The following ZMYM2 variants were observed in gnomAD, a reference collection of about 807,000 sequenced individuals.
ZMYM2 encodes zinc finger MYM-type protein 2.
A neutral mutation model predicts 162.8 loss-of-function variants in ZMYM2; 56 were observed. That is an observed-to-expected ratio of 0.34 (90% CI 0.28 to 0.43). The LOEUF (loss-of-function observed/expected upper bound fraction) is 0.43, where lower values mean the gene tolerates loss of function less well. ZMYM2 is among the 20% of genes least tolerant of loss of function. The pLI is 1.00. For synonymous variants in ZMYM2, 510 were observed against 541.6 expected (o/e 0.94, Z 0.81); for missense variants, 1,275 against 1,621.8 (o/e 0.79, Z 3.67).
chr13:19,962,496 G>GATATATATATATATAT (rs199575840), intron 2 of ZMYM2, among the ~76,000 whole-genome samples: 23 of 84,820 alleles, frequency 2.7e-4, no homozygotes, highest in African/African-American at 1.3e-3. Context: ...AATTGCATGG[G>GATATATATATATATAT]ATATATATAT....
intron 12 of ZMYM2, among the ~76,000 whole-genome samples, chr13:20,043,441 T>TGTGGCTA (rs1407280577): frequency 2.6e-5 from 4 of 152,156 alleles, no homozygotes; most frequent in Non-Finnish European, 5.9e-5. Flanking sequence ...CAGTGGTGGA[T>TGTGGCTA]GCAATGTGGC....
chr13:20,067,132 C>T, intron 20 of ZMYM2, 107 bp from the exon 21 acceptor site: 1 of 1,368,868 alleles, frequency 7.3e-7, no homozygotes, highest in Non-Finnish European at 9.7e-7. Flanking sequence ...TGTAAGAATG[C>T]ATTTTATTTT....
chr13:20,026,645 C>A lies in ZMYM2; in HGVS notation c.1618C>A (p.Arg540=), dbSNP rs1309291116. ...AAAACTGACAACTTGTACTGGTTGC[C>A]GAACACAGTGCAGGTTTTTTGATAT... The part of the protein sequence containing the change: ...YGKLTTCTGC[R]TQCRFFDMTQ... Residue 540 remains arginine (R), a synonymous_variant, in exon 8 of 25, where the codon CGA becomes AGA. Coordinates refer to ENST00000610343, the MANE Select transcript of ZMYM2 (RefSeq NM_197968.4). 1 of 1,606,894 alleles carries A rather than the reference C, an allele frequency of 6.2e-7. No homozygotes were observed. Among genetic ancestry groups the A allele is most frequent in the Non-Finnish European group, 8.5e-7 (1 of 1,178,238 alleles).
At chr13:19,982,085 A>G (rs1233895532) in intron 2 of ZMYM2, among the ~76,000 whole-genome samples, 1 of 152,146 alleles carries the variant, frequency 6.6e-6, no homozygotes, top group Admixed American at 6.5e-5. Flanking sequence ...AGTCCTGAGT[A>G]TGTATCAGTT....
At chr13:20,058,428 T>C (rs531687054) in intron 14 of ZMYM2, 147 bp from the exon 15 acceptor site, 4 of 873,978 alleles carry the variant, frequency 4.6e-6, no homozygotes, top group Non-Finnish European at 5.1e-6. Flanking sequence ...ATTAAGAGTA[T>C]GGTGAACATA....
At chr13:20,006,656 C>CT in intron 6 of ZMYM2, 70 bp downstream of exon 6, 3 of 1,430,792 alleles carry the variant, frequency 2.1e-6, no homozygotes, top group South Asian at 2.5e-5. Context: ...TACTTTTACT[C>CT]TAACAGTGTT....
intron 2 of ZMYM2, among the ~76,000 whole-genome samples, chr13:19,982,259 C>T (rs1168587546): frequency 6.9e-6 from 1 of 145,936 alleles, no homozygotes; most frequent in Non-Finnish European, 1.5e-5. Context: ...CAGTAGTTTT[C>T]ACTGAGTTGT....
intron 2 of ZMYM2, among the ~76,000 whole-genome samples, chr13:19,966,943 C>T (rs1370149151): frequency 1.3e-5 from 2 of 152,126 alleles, no homozygotes; most frequent in Non-Finnish European, 2.9e-5. Context: ...GAAGTCATTC[C>T]ATCCTATGTC....
rs551492684 is a variant in ZMYM2, at chr13:20,007,524, A to C, written c.1512+938A>C. Among the ~76,000 whole-genome samples the C allele has an allele frequency of 5.9e-5, 9 of 152,188 alleles. No homozygotes were observed. In the East Asian group the frequency reaches 1.3e-3, roughly 23 times the overall value. On this transcript the variant is annotated intron_variant, in intron 6 of 24. Transcript: ENST00000610343. ...TAGTCTGTGTGATTTCAATCTTCAT[A>C]AATTTATTTATTAAATGTTTTATCA...
At chr13:19,918,513 T>C in the ZMYM2 span, among the ~76,000 whole-genome samples, 1 of 140,522 alleles carries the variant, frequency 7.1e-6, no homozygotes, top group Admixed American at 6.9e-5. Context: ...TTTTTTTTTT[T>C]TTTTGAGACG....
At chr13:19,922,707 G>A in the ZMYM2 span, among the ~76,000 whole-genome samples, 5 of 152,026 alleles carry the variant, frequency 3.3e-5, no homozygotes, top group Admixed American at 3.3e-4. Context: ...AGCCAGGCGT[G>A]GTGGTGGGCG....
chr13:20,061,053 G>T lies in ZMYM2; in HGVS notation c.2740G>T (p.Val914Leu). Residue 914 changes from valine (V) to leucine (L), a missense_variant and splice_region_variant, in exon 17 of 25, where the codon GTG (valine) becomes TTG (leucine). Around this residue, in one of 10 missense-constraint regions of ZMYM2, gnomAD observed 229 missense variants for 283.8 expected, o/e 0.81. Coordinates refer to ENST00000610343, the MANE Select transcript of ZMYM2 (RefSeq NM_197968.4). Reference protein sequence around the residue: ...IPVPTTVPVPVPVPVFLPAPL... With the variant: ...IPVPTTVPVPLPVPVFLPAPL... ...AACTCAAAATGATTTGGTTAATTAG[G>T]TGCCAGTTCCTGTTTTTCTGCCTGC... 1 of 1,607,846 alleles carries T rather than the reference G, an allele frequency of 6.2e-7. No homozygotes were observed. Among genetic ancestry groups the T allele is most frequent in the Non-Finnish European group, 8.5e-7 (1 of 1,176,780 alleles).
the ZMYM2 span, among the ~76,000 whole-genome samples, chr13:19,884,528 G>C: frequency 2.0e-5 from 3 of 151,900 alleles, no homozygotes; most frequent in Admixed American, 6.6e-5. Context: ...AGCCAAGATC[G>C]CGCCACTGCA....
Position 20,064,502 on chromosome 13 carries a change from G to T in ZMYM2, c.3089G>T (p.Gly1030Val). Residue 1030 changes from glycine (G) to valine (V), a missense_variant, in exon 19 of 25, where the codon GGC (glycine) becomes GTC (valine). Physicochemically the swap from Gly to Val is moderately radical, Grantham distance 109. This residue lies in a region of ZMYM2 where 229 missense variants were observed against 283.8 expected (regional missense o/e 0.81). Coordinates refer to ENST00000610343, the MANE Select transcript of ZMYM2 (RefSeq NM_197968.4). ...GAATTTTTATTACCACCTGTTTTTGGCGAAGAATATGAGGAACAGCCCAGA... is the reference window on the plus strand; with the variant it reads ...GAATTTTTATTACCACCTGTTTTTGTCGAAGAATATGAGGAACAGCCCAGA... ...ENEFLLPPVF[G>V]EEYEEQPRPR... 6.3e-7 allele frequency: 1 copy of T among 1,599,432 alleles called. No individual in the cohort carries two copies. Among genetic ancestry groups the T allele is most frequent in the Non-Finnish European group, 8.5e-7 (1 of 1,172,912 alleles).
the ZMYM2 span, among the ~76,000 whole-genome samples, chr13:19,925,967 CT>C: frequency 1.9e-4 from 28 of 143,784 alleles, no homozygotes; most frequent in South Asian, 2.3e-4. Context: ...TGAAAATTAT[CT>C]TTTTTTTTTT....
At chr13:20,051,692 G>A in intron 13 of ZMYM2, 94 bp downstream of exon 13, 1 of 1,262,330 alleles carries the variant, frequency 7.9e-7, no homozygotes, top group Non-Finnish European at 1.1e-6. Flanking sequence ...AGTTGATTTT[G>A]GAGATAGCTT....
the ZMYM2 span, among the ~76,000 whole-genome samples, chr13:19,903,280 G>A: frequency 2.6e-5 from 4 of 151,976 alleles, no homozygotes; most frequent in Non-Finnish European, 5.9e-5. Flanking sequence ...AGTGAGCCAT[G>A]ATTGCAACAC....
chr13:19,870,592 C>T, the ZMYM2 span, among the ~76,000 whole-genome samples: 1 of 134,282 alleles, frequency 7.4e-6, no homozygotes, highest in African/African-American at 2.9e-5. Context: ...TCCTTCCTTC[C>T]TTCCTTTCTT....
At chr13:19,989,162 A>C (rs1949409395) in intron 2 of ZMYM2, among the ~76,000 whole-genome samples, 1 of 152,130 alleles carries the variant, frequency 6.6e-6, no homozygotes, top group Admixed American at 6.5e-5. Context: ...TCGTATATAT[A>C]GGTTTTTGGG....
Sources: allele counts gnomAD v4.1 joint callset (sites outside exome capture counted in the v4.1 genomes callset), GRCh38; gene constraint gnomAD v4.1.1; regional missense constraint gnomAD v4.1.1; transcripts MANE v1.5; gene names NCBI Gene and HGNC (gene_info 2026-07-23, HGNC 2026-07-21).